Variants in DLST observed in about 807,000 individuals in gnomAD.
DLST encodes dihydrolipoyllysine-residue succinyltransferase component of 2-oxoglutarate dehydrogenase complex, mitochondrial.
A neutral mutation model predicts 53.1 loss-of-function variants in DLST; 17 were observed. The ratio of observed to expected loss-of-function variants is 0.32; its 90% CI spans 0.22 to 0.48. The LOEUF (loss-of-function observed/expected upper bound fraction) is 0.48. Ranked by LOEUF, DLST falls within the 20% of genes least tolerant of loss-of-function variation. The probability of loss-of-function intolerance (pLI) is 0.99; values close to 1 mark genes in which losing one functional copy is unlikely to be tolerated. For missense variants in DLST, 512 were observed against 583.9 expected (o/e 0.88, Z 1.27); for synonymous variants, 206 against 204.8 (o/e 1.01, Z -0.05).
intron 8 of DLST, 101 bp downstream of exon 8, chr14:74,893,087 G>T (rs1236543864): frequency 2.1e-6 from 3 of 1,402,614 alleles, no homozygotes; most frequent in Non-Finnish European, 2.9e-6. Context: ...AACAGGCCAG[G>T]TTGGCTGCTT....
intron 2 of DLST, among the ~76,000 whole-genome samples, chr14:74,884,639 C>T (rs1282386581): frequency 6.6e-6 from 1 of 152,198 alleles, no homozygotes; most frequent in Admixed American, 6.5e-5. Flanking sequence ...CTGAATTGGA[C>T]TCCAGGTTCC....
intron 14 of DLST, 44 bp from the exon 15 acceptor site, chr14:74,902,152 T>C: frequency 1.3e-6 from 2 of 1,495,200 alleles, no homozygotes; most frequent in Non-Finnish European, 1.8e-6. Context: ...CGAGGCTGGC[T>C]GTGGCTTGCT....
intron 2 of DLST, among the ~76,000 whole-genome samples, chr14:74,883,232 T>A (rs988589577): frequency 6.6e-5 from 10 of 151,478 alleles, no homozygotes; most frequent in Middle Eastern, 3.4e-3. Context: ...GAGGCGGAGC[T>A]TGCAGTGAGC....
At chr14:74,882,080 C>T (rs1883536561) in intron 1 of DLST, 64 bp downstream of exon 1, 2 of 1,395,718 alleles carry the variant, frequency 1.4e-6, no homozygotes, top group Admixed American at 2.8e-5. Flanking sequence ...GAGAGGCGGC[C>T]TGGAAGGCAG....
At chr14:74,900,865 C>T (rs1884223968) in intron 13 of DLST, among the ~76,000 whole-genome samples, 1 of 151,846 alleles carries the variant, frequency 6.6e-6, no homozygotes, top group South Asian at 2.1e-4. Context: ...GCTGGGACTA[C>T]AGGTGTGCAC....
At chr14:74,885,406 C>T (rs1028306749) in intron 2 of DLST, among the ~76,000 whole-genome samples, 180 bp from the exon 3 acceptor site, 1 of 152,212 alleles carries the variant, frequency 6.6e-6, no homozygotes, top group Non-Finnish European at 1.5e-5. Context: ...CCCATTTGCT[C>T]TCTGCCACTA....
chr14:74,900,500 A>C (rs1884210925), intron 13 of DLST, 128 bp downstream of exon 13: 2 of 748,904 alleles, frequency 2.7e-6, no homozygotes, highest in Non-Finnish European at 4.6e-6. Flanking sequence ...GCAGTTGCCC[A>C]TGAGAGCTAA....
chr14:74,882,048 G>C (rs1566787221), intron 1 of DLST, 32 bp downstream of exon 1: 1 of 1,512,420 alleles, frequency 6.6e-7, no homozygotes, highest in Non-Finnish European at 8.8e-7. Flanking sequence ...GCCCCGACGG[G>C]TGAGGAGTCT....
At chr14:74,888,577 T>C (rs1259335534) in intron 3 of DLST, among the ~76,000 whole-genome samples, 1 of 152,112 alleles carries the variant, frequency 6.6e-6, no homozygotes, top group Non-Finnish European at 1.5e-5. Flanking sequence ...CTGGGTGGCA[T>C]GTGCCTGTAG....
chr14:74,897,391 A>T (rs1366840441), intron 10 of DLST, among the ~76,000 whole-genome samples: 1 of 152,250 alleles, frequency 6.6e-6, no homozygotes, highest in African/African-American at 2.4e-5. Context: ...TTCAATTTTC[A>T]TCGTAGAACT....
chr14:74,890,271 G>A (rs1264653208), intron 6 of DLST, among the ~76,000 whole-genome samples: 2 of 151,786 alleles, frequency 1.3e-5, no homozygotes, highest in Admixed American at 1.3e-4. Flanking sequence ...GGGCTTACAG[G>A]CGCATGCCAC....
chr14:74,888,716 C>A (rs1883792065), intron 3 of DLST, among the ~76,000 whole-genome samples: 1 of 152,036 alleles, frequency 6.6e-6, no homozygotes, highest in Non-Finnish European at 1.5e-5. Flanking sequence ...TCTTAAAAAA[C>A]AAAAAACCAA....
intron 6 of DLST, among the ~76,000 whole-genome samples, chr14:74,890,612 G>T (rs931763657): frequency 6.6e-5 from 10 of 152,200 alleles, no homozygotes; most frequent in Admixed American, 1.3e-4. Flanking sequence ...CTTCACAGTA[G>T]CGATGACTTG....
chr14:74,894,993 C>T (rs974250814), intron 10 of DLST, among the ~76,000 whole-genome samples: 7 of 151,824 alleles, frequency 4.6e-5, no homozygotes, highest in African/African-American at 7.3e-5. Flanking sequence ...TTTGGGAGGC[C>T]GAGGCAGGCG....
At chr14:74,882,084 A>T in intron 1 of DLST, 68 bp downstream of exon 1, 1 of 1,365,212 alleles carries the variant, frequency 7.3e-7, no homozygotes, top group Non-Finnish European at 9.5e-7. Context: ...GGCGGCCTGG[A>T]AGGCAGGGGC....
Position 74,894,243 on chromosome 14 carries a change from C to T in DLST, c.673-69C>T, listed in dbSNP as rs188678699. 2.2e-5 allele frequency: 35 copies of T among 1,576,812 alleles called. No homozygotes were observed. In the East Asian group the frequency reaches 7.7e-4, roughly 35 times the overall value. On this transcript the variant is annotated intron_variant, in intron 9 of 14. Transcript: ENST00000334220. ...CTACTCGTGGCAAGCCGTGTTCTTT[C>T]TGACTACACGGGGAATGCTTGACCC...
At chr14:74,898,557 A>G in intron 11 of DLST, 58 bp downstream of exon 11, 2 of 1,567,022 alleles carry the variant, frequency 1.3e-6, no homozygotes, top group African/African-American at 1.4e-5. Flanking sequence ...ATGAGCACAG[A>G]CCTGCTCCCA....
chr14:74,893,821 G>C (rs373765421), intron 9 of DLST, among the ~76,000 whole-genome samples: 2 of 152,178 alleles, frequency 1.3e-5, no homozygotes, highest in African/African-American at 4.8e-5. Flanking sequence ...AGTAGCAATA[G>C]CTGTCAGGTG....
chr14:74,892,459 A>G (rs930020541), intron 7 of DLST, among the ~76,000 whole-genome samples: 17 of 152,208 alleles, frequency 1.1e-4, no homozygotes, highest in African/African-American at 4.1e-4. Flanking sequence ...GAAGAGTATC[A>G]GTAATTAGAA....
Sources: gnomAD v4.1 joint callset for allele counts (sites outside exome capture counted in the v4.1 genomes callset) on GRCh38, gnomAD v4.1.1 for gene constraint, MANE v1.5 for transcripts, NCBI Gene and HGNC (gene_info 2026-07-23, HGNC 2026-07-21) for gene names.